NCK1: variants seen among roughly 807,000 people sequenced by gnomAD.
NCK1 encodes the protein NCK adaptor protein 1, also known as SH2/SH3 adapter protein NCK1.
In NCK1, 19 loss-of-function variants were observed where a neutral mutation model predicts 36.6. The observed-to-expected ratio is 0.52, with a 90% CI of 0.36 to 0.76. NCK1 has a LOEUF of 0.76. Ranked by LOEUF, NCK1 falls within the 30% of genes least tolerant of loss-of-function variation. NCK1 has a pLI of 0.00. For synonymous variants in NCK1, 165 were observed against 156.0 expected (o/e 1.06, Z -0.43); for missense variants, 358 against 445.6 (o/e 0.80, Z 1.77).
intron 1 of NCK1, chr3:136,900,072 A>C: frequency 1.9e-6 from 1 of 515,840 alleles, no homozygotes; most frequent in Non-Finnish European, 3.6e-6. Context: ...CACAGGCTGC[A>C]CCATGGTCCC....
At chr3:136,867,509 G>A (rs1268468143) in intron 1 of NCK1, 7 of 140,664 alleles carry the variant, frequency 5.0e-5, no homozygotes, top group African/African-American at 1.6e-4. Flanking sequence ...GCTTCTCAAC[G>A]TGCTGGGATT....
At chr3:136,902,198 T>TTTTTG (rs1553794874) in intron 1 of NCK1, among the ~76,000 whole-genome samples, 5 of 131,538 alleles carry the variant, frequency 3.8e-5, no homozygotes, top group South Asian at 2.4e-4. Context: ...TTTTTTTTTT[T>TTTTTG]TTTTGTTTTT....
chr3:136,897,416 A>G (rs913647115), intron 1 of NCK1, among the ~76,000 whole-genome samples: 1 of 152,136 alleles, frequency 6.6e-6, no homozygotes, highest in Non-Finnish European at 1.5e-5. Context: ...AATAACAGCC[A>G]TTTTAACTTG....
chr3:136,932,226 ATAGT>A (rs1940411349), intron 2 of NCK1, among the ~76,000 whole-genome samples: 1 of 152,004 alleles, frequency 6.6e-6, no homozygotes, highest in Non-Finnish European at 1.5e-5. Flanking sequence ...TAGGAAGTTG[ATAGT>A]TAATGCATTT....
At chr3:136,932,827 A>G (rs565560350) in intron 2 of NCK1, among the ~76,000 whole-genome samples, 2 of 152,340 alleles carry the variant, frequency 1.3e-5, no homozygotes, top group Admixed American at 1.3e-4. Context: ...GAAACATGGG[A>G]ACAGAATTGT....
At chr3:136,913,855 A>G (rs1939892337) in intron 1 of NCK1, among the ~76,000 whole-genome samples, 1 of 152,150 alleles carries the variant, frequency 6.6e-6, no homozygotes, top group Non-Finnish European at 1.5e-5. Flanking sequence ...TTTTTATTAG[A>G]GACGGGGTTT....
At chr3:136,884,576 G>A (rs540148290) in intron 1 of NCK1, among the ~76,000 whole-genome samples, 73 of 151,942 alleles carry the variant, frequency 4.8e-4, no homozygotes, top group African/African-American at 1.7e-3. Flanking sequence ...GAGTAGCTGG[G>A]ATTAGAGGCG....
chr3:136,949,448 A>T lies in NCK1; in HGVS notation c.*995A>T, dbSNP rs1940917270. On this transcript the variant is annotated 3_prime_UTR_variant, in exon 4 of 4. Transcript: ENST00000481752. ...TTTGTTGATTGGGACACTAAAACTGATGTATACCTGAGGAAAAAATAGAAT... is the reference window on the plus strand; with the variant it reads ...TTTGTTGATTGGGACACTAAAACTGTTGTATACCTGAGGAAAAAATAGAAT... 1 of 152,086 alleles carries T rather than the reference A, an allele frequency of 6.6e-6. No homozygotes were observed. Among genetic ancestry groups the T allele is most frequent in the East Asian group, 1.9e-4 (1 of 5,178 alleles). 9.4% of individuals were successfully genotyped at this position (152,086 alleles called of 1,614,324 possible).
At chr3:136,891,447 CTT>C (rs753441735) in intron 1 of NCK1, among the ~76,000 whole-genome samples, 10 of 152,184 alleles carry the variant, frequency 6.6e-5, no homozygotes. Context: ...ATCATGGACA[CTT>C]TGGTTGCTTC....
intron 1 of NCK1, among the ~76,000 whole-genome samples, chr3:136,906,192 G>C (rs918326314): frequency 1.3e-5 from 2 of 151,546 alleles, no homozygotes; most frequent in Admixed American, 1.3e-4. Context: ...CTTTCAATGT[G>C]AATGCTGTCA....
intron 1 of NCK1, among the ~76,000 whole-genome samples, chr3:136,864,769 T>C (rs1938362736): frequency 6.8e-6 from 1 of 146,546 alleles, no homozygotes; most frequent in Admixed American, 6.8e-5. Context: ...TTCTTTTTTT[T>C]TTTTTTTTTT....
Position 136,927,987 on chromosome 3 carries a change from T to G in NCK1, c.-15T>G, listed in dbSNP as rs1216269911. 1 of 1,590,190 alleles carries G rather than the reference T, an allele frequency of 6.3e-7. No homozygotes were observed. Among genetic ancestry groups the G allele is most frequent in the African/African-American group, 1.3e-5 (1 of 74,488 alleles). On this transcript the variant is annotated 5_prime_UTR_variant, in exon 2 of 4. Transcript: ENST00000481752. Reference sequence around the variant, plus strand: ...AATATTTTCCATGTGTTTACAGTGCTGAAGCTGCTGAAAGATGGCAGAAGA... The same window carrying G: ...AATATTTTCCATGTGTTTACAGTGCGGAAGCTGCTGAAAGATGGCAGAAGA...
chr3:136,875,302 A>G (rs1347294883), intron 1 of NCK1, among the ~76,000 whole-genome samples: 1 of 152,128 alleles, frequency 6.6e-6, no homozygotes, highest in Non-Finnish European at 1.5e-5. Context: ...TTTTCTAGAT[A>G]TACAATCATG....
chr3:136,872,103 A>G (rs534802635), intron 1 of NCK1, among the ~76,000 whole-genome samples: 2 of 152,324 alleles, frequency 1.3e-5, no homozygotes, highest in African/African-American at 2.4e-5. Flanking sequence ...GAACTGGGTA[A>G]CAGGCAGAGG....
chr3:136,941,228 C>T (rs977178452), intron 2 of NCK1, among the ~76,000 whole-genome samples: 2 of 150,180 alleles, frequency 1.3e-5, no homozygotes, highest in African/African-American at 2.4e-5. Context: ...CAGGTTCAAG[C>T]GACACTTATA....
intron 1 of NCK1, among the ~76,000 whole-genome samples, chr3:136,922,798 C>G (rs769139513): frequency 6.6e-6 from 1 of 152,178 alleles, no homozygotes; most frequent in Non-Finnish European, 1.5e-5. Context: ...CAAACTTTAG[C>G]TGTAACTCAG....
At chr3:136,930,731 A>G in intron 2 of NCK1, 1 of 638,992 alleles carries the variant, frequency 1.6e-6, no homozygotes, top group Non-Finnish European at 2.2e-6. Context: ...AATATAAACC[A>G]AATGATTGGT....
intron 1 of NCK1, among the ~76,000 whole-genome samples, chr3:136,918,781 C>T (rs946733187): frequency 6.6e-6 from 1 of 152,228 alleles, no homozygotes; most frequent in Non-Finnish European, 1.5e-5. Flanking sequence ...AGATTGGACA[C>T]TCCTGCCTTA....
intron 1 of NCK1, among the ~76,000 whole-genome samples, chr3:136,869,117 G>A (rs1938533318): frequency 6.6e-6 from 1 of 151,942 alleles, no homozygotes; most frequent in South Asian, 2.1e-4. Context: ...GTGCATGCCT[G>A]TAGTCCCAGC....
Sources: allele counts gnomAD v4.1 joint callset (sites outside exome capture counted in the v4.1 genomes callset), GRCh38; gene constraint gnomAD v4.1.1; transcripts MANE v1.5; gene names NCBI Gene and HGNC (gene_info 2026-07-23, HGNC 2026-07-21).